KCNIP3: variants seen among roughly 807,000 people sequenced by gnomAD.
The protein encoded by KCNIP3 is calsenilin.
In KCNIP3, 28 loss-of-function variants were observed where a neutral mutation model predicts 35.0. The ratio of observed to expected loss-of-function variants is 0.80; its 90% CI spans 0.59 to 1.10. The LOEUF (loss-of-function observed/expected upper bound fraction) is 1.10, where lower values mean the gene tolerates loss of function less well. KCNIP3 is among the 50% of genes least tolerant of loss of function. The probability of loss-of-function intolerance (pLI) is 0.00; values close to 1 mark genes in which losing one functional copy is unlikely to be tolerated. For missense variants in KCNIP3, 295 were observed against 338.4 expected, an observed-to-expected ratio of 0.87 and a Z score of 1.01; for synonymous variants, 134 against 133.8, an observed-to-expected ratio of 1.00 and a Z score of -0.01.
rs1680222847 is a variant in KCNIP3 at position 95,377,181 on chromosome 2, C to T, written c.447+1973C>T. Among the ~76,000 whole-genome samples, 1 of 152,232 alleles carries T rather than the reference C, an allele frequency of 6.6e-6. No homozygotes were observed. The highest frequency in any genetic ancestry group is 1.5e-5 in the Non-Finnish European group (1 of 68,046). ...ACGCTCTGGCCACCAGGGCCTTTCT[C>T]GTGCAACTCATCTGGCTTGCCAGGA... On this transcript the variant is annotated intron_variant, in intron 5 of 8. Transcript: ENST00000295225. The surrounding 1 kb of genome is among the most constrained non-coding windows in gnomAD (Gnocchi z 4.7).
chr2:95,353,555 A>G (rs1679580101), intron 2 of KCNIP3, among the ~76,000 whole-genome samples: 1 of 152,154 alleles, frequency 6.6e-6, no homozygotes, highest in Non-Finnish European at 1.5e-5. Flanking sequence ...CACCTTCCTC[A>G]TCTGTAGAAT....
At chr2:95,324,161 C>G (rs539084100) in intron 2 of KCNIP3, among the ~76,000 whole-genome samples, 1 of 152,210 alleles carries the variant, frequency 6.6e-6, no homozygotes, top group Non-Finnish European at 1.5e-5. Context: ...TAAACGGATT[C>G]CCTGACACAG....
At position 95,346,673 on chromosome 2, in the gene KCNIP3, G is replaced by C. The variant is rs1404697814; in HGVS notation, c.182-27623G>C. 4 of 146,786 alleles carry C rather than the reference G, an allele frequency of 2.7e-5. No homozygotes were observed. In the East Asian group the frequency reaches 8.0e-4, roughly 30 times the overall value. 9.1% of individuals were successfully genotyped at this position (146,786 alleles called of 1,614,324 possible). ...AGGGGGCGACAGAGGCGCAGCGCCCGCGCCGGGCATGGAGGCGCCGCTGGC... is the reference window on the plus strand; with the variant it reads ...AGGGGGCGACAGAGGCGCAGCGCCCCCGCCGGGCATGGAGGCGCCGCTGGC... On this transcript the variant is annotated intron_variant, in intron 2 of 8. Coordinates refer to ENST00000295225, the MANE Select transcript of KCNIP3 (RefSeq NM_013434.5).
intron 2 of KCNIP3, 62 bp from the exon 3 acceptor site, chr2:95,374,234 T>C: frequency 6.3e-7 from 1 of 1,584,234 alleles, no homozygotes; most frequent in Non-Finnish European, 8.6e-7. Flanking sequence ...CTGGCCACAC[T>C]GGAGCAAGAT....
intron 8 of KCNIP3, among the ~76,000 whole-genome samples, chr2:95,383,751 C>T (rs1273877976): frequency 5.3e-5 from 8 of 152,334 alleles, no homozygotes; most frequent in South Asian, 2.1e-4. Context: ...GGAGGCCAGC[C>T]GGGATCGCCT....
intron 2 of KCNIP3, among the ~76,000 whole-genome samples, chr2:95,332,407 A>G (rs1294267552): frequency 1.3e-5 from 2 of 152,274 alleles, no homozygotes. Flanking sequence ...TGAGGTCAGG[A>G]GTTCAAGACC....
intron 2 of KCNIP3, among the ~76,000 whole-genome samples, chr2:95,319,720 T>C (rs1314547588): frequency 6.6e-6 from 1 of 152,202 alleles, no homozygotes; most frequent in Admixed American, 6.5e-5. Flanking sequence ...CAAGAGTCCG[T>C]ATCGTCTGGA....
intron 2 of KCNIP3, among the ~76,000 whole-genome samples, chr2:95,347,398 G>T (rs1679403812): frequency 6.6e-6 from 1 of 152,214 alleles, no homozygotes; most frequent in South Asian, 2.1e-4. Flanking sequence ...CTGCAGTCCG[G>T]GCGCCCCTGG....
chr2:95,309,943 C>T (rs568189784), intron 1 of KCNIP3, among the ~76,000 whole-genome samples: 9 of 152,312 alleles, frequency 5.9e-5, no homozygotes, highest in South Asian at 2.1e-4. Flanking sequence ...GGGAGCCAGA[C>T]GTGGCTGTGT....
Position 95,382,453 on chromosome 2 carries a change from C to T in KCNIP3, c.632C>T (p.Pro211Leu), listed in dbSNP as rs1285569449. 23 of 1,608,546 alleles carry T rather than the reference C, an allele frequency of 1.4e-5. No individual in the cohort carries two copies. Among genetic ancestry groups the T allele is most frequent in the East Asian group, 2.3e-5 (1 of 44,332 alleles). ...HTYPILREDA[P>L]AEHVERFFEK... ...TACCCCATCCTGCGGGAGGACGCGC[C>T]GGCGGAGCACGTGGAGAGGTTCTTC... Residue 211 changes from proline (P) to leucine (L), a missense_variant, in exon 7 of 9, where the codon CCG (proline) becomes CTG (leucine). Transcript: ENST00000295225. The surrounding 1 kb of genome is among the most constrained non-coding windows in gnomAD (Gnocchi z 4.5).
chr2:95,328,615 G>T (rs770463293), intron 2 of KCNIP3, among the ~76,000 whole-genome samples: 1 of 152,258 alleles, frequency 6.6e-6, no homozygotes, highest in Non-Finnish European at 1.5e-5. Context: ...GTGTGTGAGC[G>T]TGCTCACCGC....
At chr2:95,354,503 G>T (rs1679606679) in intron 2 of KCNIP3, among the ~76,000 whole-genome samples, 4 of 152,190 alleles carry the variant, frequency 2.6e-5, no homozygotes, top group African/African-American at 7.2e-5. Context: ...TTGTGGGTCT[G>T]GGGACAGCAG....
chr2:95,325,617 ACACACACACT>A (rs965219216), intron 2 of KCNIP3, among the ~76,000 whole-genome samples: 1 of 151,484 alleles, frequency 6.6e-6, no homozygotes, highest in Admixed American at 6.6e-5. Context: ...ACACACGTAC[ACACACACACT>A]CACACACACA....
In KCNIP3 at chr2:95,310,621, TG is replaced by T. The variant is rs955763788; in HGVS notation, c.181+104del. 14 of 1,306,128 alleles carry T rather than the reference TG, an allele frequency of 1.1e-5. No individual in the cohort carries two copies. In the Admixed American group the frequency reaches 2.3e-4, roughly 22 times the overall value. 80.9% of individuals were successfully genotyped at this position (1,306,128 alleles called of 1,614,324 possible). A position where few individuals can be genotyped will look rare whatever the true frequency, so the allele number is the denominator to read the frequency against. On this transcript the variant is annotated intron_variant, in intron 2 of 8. Transcript: ENST00000295225. Reference sequence around the variant, plus strand: ...CAAAGGCCAGCCTGGGACCCCAGCCTGGGCTACATCGCCCCTGTCTCTATTG... The same window carrying T: ...CAAAGGCCAGCCTGGGACCCCAGCCTGGCTACATCGCCCCTGTCTCTATTG...
In KCNIP3 at chr2:95,384,479, C is replaced by A; in HGVS notation, c.*430C>A. 1 of 198,950 alleles carries A rather than the reference C, an allele frequency of 5.0e-6. No homozygotes were observed. The highest frequency in any genetic ancestry group is 2.3e-5 in the African/African-American group (1 of 43,384). The allele number at this position is 198,950 out of a possible 1,614,324, so 12.3% of individuals were successfully genotyped here. On this transcript the variant is annotated 3_prime_UTR_variant, in exon 9 of 9. Transcript: ENST00000295225. Reference sequence around the variant, plus strand: ...CTTTCTTGCCACACAGTGGGCCGGCCCCAGGCTCCCCTGGTCTCCTCCCCG... The same window carrying A: ...CTTTCTTGCCACACAGTGGGCCGGCACCAGGCTCCCCTGGTCTCCTCCCCG...
chr2:95,365,357 T>G (rs1346536299), intron 2 of KCNIP3, among the ~76,000 whole-genome samples: 1 of 152,096 alleles, frequency 6.6e-6, no homozygotes, highest in African/African-American at 2.4e-5. Flanking sequence ...AGACGGGGTT[T>G]CGCCATGTTG....
chr2:95,302,411 G>A (rs1678060011), intron 1 of KCNIP3, among the ~76,000 whole-genome samples: 1 of 152,236 alleles, frequency 6.6e-6, no homozygotes, highest in Non-Finnish European at 1.5e-5. Context: ...GAGTAGCCCA[G>A]CCCTCTCTGC....
rs1006651743 is a variant in KCNIP3, at chr2:95,386,073, A to G, written c.*2024A>G. The G allele has an allele frequency of 2.0e-5, 3 of 152,302 alleles. No homozygotes were observed. The highest frequency in any genetic ancestry group is 7.2e-5 in the African/African-American group (3 of 41,462). 9.4% of individuals were successfully genotyped at this position (152,302 alleles called of 1,614,324 possible). On this transcript the variant is annotated 3_prime_UTR_variant, in exon 9 of 9. Transcript: ENST00000295225. ...ATATTTTAATAAAATAAACTTGACA[A>G]AGGAGAGGGATTCCTGTTGGCTTTA...
intron 2 of KCNIP3, among the ~76,000 whole-genome samples, chr2:95,367,785 G>A (rs887239411): frequency 4.8e-5 from 7 of 145,444 alleles, no homozygotes; most frequent in African/African-American, 1.8e-4. Context: ...TTTTGAGATG[G>A]AGTCTCGCTC....
Sources: gnomAD v4.1 joint callset for allele counts (sites outside exome capture counted in the v4.1 genomes callset) on GRCh38, gnomAD v4.1.1 for gene constraint, Gnocchi (gnomAD v3.1) non-coding constraint, MANE v1.5 for transcripts, NCBI Gene and HGNC (gene_info 2026-07-23, HGNC 2026-07-21) for gene names.